KCNH1: variants seen among roughly 807,000 people sequenced by gnomAD.
KCNH1 encodes the protein potassium voltage-gated channel subfamily H member 1.
A neutral mutation model predicts 69.2 loss-of-function variants in KCNH1; 27 were observed. That is an observed-to-expected ratio of 0.39 (90% CI 0.29 to 0.54). KCNH1 has a LOEUF of 0.54. Among genes scored for constraint, KCNH1 ranks in the 20% least tolerant of loss-of-function variants. KCNH1 has a pLI of 0.68. For synonymous variants in KCNH1, 456 were observed against 487.7 expected, an observed-to-expected ratio of 0.93 and a Z score of 0.86; for missense variants, 798 against 1,261.6, an observed-to-expected ratio of 0.63 and a Z score of 5.57.
chr1:211,056,635 T>G (rs538485978), intron 5 of KCNH1, among the ~76,000 whole-genome samples: 139 of 152,314 alleles, frequency 9.1e-4, no homozygotes, highest in African/African-American at 3.1e-3. Flanking sequence ...AGTATCAGTG[T>G]TGGTGGCCAC....
At chr1:210,857,753 G>A (rs1457099503) in intron 7 of KCNH1, among the ~76,000 whole-genome samples, 1 of 152,126 alleles carries the variant, frequency 6.6e-6, no homozygotes, top group Non-Finnish European at 1.5e-5. Flanking sequence ...ATAACCCAAT[G>A]ATGACTCATC....
At chr1:210,985,231 C>T (rs1688806310) in intron 6 of KCNH1, among the ~76,000 whole-genome samples, 1 of 152,060 alleles carries the variant, frequency 6.6e-6, no homozygotes, top group South Asian at 2.1e-4. Flanking sequence ...TTCAAAAAAC[C>T]AGCCCCTGGA....
intron 5 of KCNH1, among the ~76,000 whole-genome samples, chr1:211,075,105 G>T (rs1186378545): frequency 6.6e-6 from 1 of 152,206 alleles, no homozygotes; most frequent in Non-Finnish European, 1.5e-5. Flanking sequence ...CAAGGGGAGA[G>T]ATGTAGGAGA....
At chr1:210,726,084 AAG>A (rs767425688) in intron 10 of KCNH1, among the ~76,000 whole-genome samples, 19 of 152,288 alleles carry the variant, frequency 1.2e-4, no homozygotes, top group Non-Finnish European at 1.9e-4. Context: ...AAAGGAATGG[AAG>A]AACAAAGTAA....
Position 211,090,542 on chromosome 1 carries a change from T to C in KCNH1, c.439+20A>G. ...GACAAAAAAGGCATAAATGTATTTG[T>C]ACAAGTCAGAATTACAAACCTTTAC... On this transcript the variant is annotated intron_variant, in intron 4 of 10. Transcript: ENST00000271751. The C allele has an allele frequency of 1.3e-6, 2 of 1,587,726 alleles. No individual in the cohort carries two copies. The highest frequency in any genetic ancestry group is 1.7e-6 in the Non-Finnish European group (2 of 1,172,020).
At chr1:210,911,424 T>A (rs1241776998) in intron 7 of KCNH1, among the ~76,000 whole-genome samples, 2 of 152,098 alleles carry the variant, frequency 1.3e-5, no homozygotes, top group South Asian at 4.1e-4. Flanking sequence ...CAAATGTCAA[T>A]TATAATGTGG....
intron 7 of KCNH1, among the ~76,000 whole-genome samples, chr1:210,855,236 G>A (rs188232909): frequency 1.6e-4 from 24 of 152,110 alleles, no homozygotes; most frequent in Admixed American, 1.4e-3. Context: ...TCAGAGAGAG[G>A]GATACTGCAG....
chr1:211,067,946 A>G (rs1189639629), intron 5 of KCNH1, among the ~76,000 whole-genome samples: 2 of 152,228 alleles, frequency 1.3e-5, no homozygotes, highest in African/African-American at 4.8e-5. Context: ...AGAGGAGACA[A>G]GAAGCACAGA....
intron 7 of KCNH1, chr1:210,859,752 A>C: frequency 9.4e-7 from 1 of 1,067,052 alleles, no homozygotes; most frequent in Non-Finnish European, 1.5e-6. Flanking sequence ...GTTCCATATC[A>C]ATAAGAGCAC....
chr1:211,066,404 G>C lies in KCNH1; in HGVS notation c.558+16376C>G, dbSNP rs984905343. 7.4e-4 allele frequency among the ~76,000 whole-genome samples: 113 copies of C among 152,206 alleles called. 1 individual carries two copies. The highest frequency in any genetic ancestry group is 2.6e-3 in the African/African-American group (109 of 41,514). ...GTAATATCTTGGGAATGGAACCCAA[G>C]TCTAAACAAAAAATTCATTTTTGTT... On this transcript the variant is annotated intron_variant, in intron 5 of 10. Coordinates refer to ENST00000271751, the MANE Select transcript of KCNH1 (RefSeq NM_172362.3).
intron 5 of KCNH1, among the ~76,000 whole-genome samples, chr1:211,071,075 G>A (rs1013434829): frequency 6.6e-6 from 1 of 152,048 alleles, no homozygotes; most frequent in South Asian, 2.1e-4. Flanking sequence ...TTACAACAAA[G>A]CTACAGAAAA....
At chr1:211,114,472 G>A (rs1351476697) in intron 1 of KCNH1, among the ~76,000 whole-genome samples, 1 of 152,212 alleles carries the variant, frequency 6.6e-6, no homozygotes, top group Non-Finnish European at 1.5e-5. Flanking sequence ...ATAAGCCTAT[G>A]TATGTCTGAG....
Position 211,023,115 on chromosome 1 carries a change from AAAATAAATAAAT to A in KCNH1, c.559-3871_559-3860del, listed in dbSNP as rs562804540. On this transcript the variant is annotated intron_variant, in intron 5 of 10. Transcript: ENST00000271751. Reference sequence around the variant, plus strand: ...GACAGAGCTAGACTCTGTCTCAGAAAAAATAAATAAATAAATAAATAAATAAATAAATAAATA... The same window carrying A: ...GACAGAGCTAGACTCTGTCTCAGAAAAAATAAATAAATAAATAAATAAATA... 3.1e-3 allele frequency among the ~76,000 whole-genome samples: 303 copies of A among 98,566 alleles called. 2 individuals carry two copies. The highest frequency in any genetic ancestry group is 4.9e-3 in the Non-Finnish European group (216 of 43,790). 64.7% of individuals were successfully genotyped at this position (98,566 alleles called of 152,430 possible). A position where few individuals can be genotyped will look rare whatever the true frequency, so the allele number is the denominator to read the frequency against.
chr1:210,875,528 C>T lies in KCNH1; in HGVS notation c.1462+44112G>A, dbSNP rs894415637. On this transcript the variant is annotated intron_variant, in intron 7 of 10. Coordinates refer to ENST00000271751, the MANE Select transcript of KCNH1 (RefSeq NM_172362.3). ...AATCAATAGCAATATTTTGGCTGGG[C>T]GCAGTGGCTCATGCCTGTAATCCCA... is the stretch of plus-strand genomic sequence containing the variant. 3.9e-5 allele frequency among the ~76,000 whole-genome samples: 6 copies of T among 152,118 alleles called. No individual in the cohort carries two copies. In the South Asian group the frequency reaches 6.2e-4, roughly 16 times the overall value.
chr1:210,760,032 A>ACGCGAGGAATCTAGGTTGCACACT (rs1250844091), intron 10 of KCNH1, among the ~76,000 whole-genome samples: 1 of 152,168 alleles, frequency 6.6e-6, no homozygotes, highest in East Asian at 1.9e-4. Context: ...TGAGCTGTGC[A>ACGCGAGGAATCTAGGTTGCACACT]CGCGAGGAAT....
At chr1:210,911,102 T>G (rs188015052) in intron 7 of KCNH1, among the ~76,000 whole-genome samples, 1 of 152,210 alleles carries the variant, frequency 6.6e-6, no homozygotes, top group Non-Finnish European at 1.5e-5. Flanking sequence ...CTGTGGACCA[T>G]GGATTGGCTC....
intron 7 of KCNH1, among the ~76,000 whole-genome samples, chr1:210,833,182 AATATG>A (rs889989312): frequency 2.0e-5 from 3 of 152,130 alleles, no homozygotes; most frequent in African/African-American, 7.2e-5. Flanking sequence ...AGAATTACTA[AATATG>A]ATATATTTAT....
intron 10 of KCNH1, among the ~76,000 whole-genome samples, chr1:210,691,274 C>G (rs906802912): frequency 1.3e-5 from 2 of 152,170 alleles, no homozygotes; most frequent in East Asian, 3.9e-4. Context: ...GCAGAAATGC[C>G]AGCCAGGGAA....
intron 2 of KCNH1, 93 bp downstream of exon 2, chr1:211,107,161 G>A: frequency 7.1e-7 from 1 of 1,406,850 alleles, no homozygotes; most frequent in African/African-American, 1.4e-5. Context: ...CACTAAATGA[G>A]GTAAAGGCAA....
Sources: gnomAD v4.1 joint callset for allele counts (sites outside exome capture counted in the v4.1 genomes callset) on GRCh38, gnomAD v4.1.1 for gene constraint, MANE v1.5 for transcripts, NCBI Gene and HGNC (gene_info 2026-07-23, HGNC 2026-07-21) for gene names.